MAGI2: variants seen among roughly 807,000 people sequenced by gnomAD.
The protein encoded by MAGI2 is membrane associated guanylate kinase, WW and PDZ domain containing 2.
MAGI2 carries 35 observed loss-of-function variants against 133.3 expected under a neutral mutation model. The ratio of observed to expected loss-of-function variants is 0.26; its 90% CI spans 0.20 to 0.35. The LOEUF (loss-of-function observed/expected upper bound fraction) is 0.35. MAGI2 is among the 10% of genes least tolerant of loss of function. The pLI, the probability that MAGI2 is intolerant of heterozygous loss-of-function variation, is 1.00. For synonymous variants in MAGI2, 729 were observed against 710.6 expected (o/e 1.03, Z -0.41); for missense variants, 1,636 against 1,863.4 (o/e 0.88, Z 2.25).
chr7:78,932,407 G>A (rs1345188456), intron 2 of MAGI2, among the ~76,000 whole-genome samples: 1 of 151,980 alleles, frequency 6.6e-6, no homozygotes, highest in Non-Finnish European at 1.5e-5. Context: ...ATGTCTTACA[G>A]CAGAGTATGG....
intron 2 of MAGI2, among the ~76,000 whole-genome samples, chr7:78,742,784 A>G (rs958011472): frequency 8.5e-5 from 13 of 152,290 alleles, no homozygotes; most frequent in African/African-American, 3.1e-4. Context: ...CAACTGATGC[A>G]GTGTGACTTC....
chr7:78,555,916 A>G (rs1294743496), intron 3 of MAGI2, among the ~76,000 whole-genome samples: 1 of 152,230 alleles, frequency 6.6e-6, no homozygotes, highest in Non-Finnish European at 1.5e-5. Context: ...GAAGTCTCAA[A>G]TACTAAAAGC....
At chr7:78,508,796 T>A (rs1795319908) in intron 4 of MAGI2, among the ~76,000 whole-genome samples, 1 of 152,208 alleles carries the variant, frequency 6.6e-6, no homozygotes, top group Non-Finnish European at 1.5e-5. Flanking sequence ...CGTGAAGCTA[T>A]ATTTGATTAG....
chr7:79,161,685 G>T (rs1824369029), intron 1 of MAGI2, among the ~76,000 whole-genome samples: 1 of 152,042 alleles, frequency 6.6e-6, no homozygotes, highest in African/African-American at 2.4e-5. Flanking sequence ...CAAACATCTT[G>T]TTTAAAAGCT....
intron 1 of MAGI2, among the ~76,000 whole-genome samples, chr7:79,181,966 C>T (rs10953788): frequency 0.69 from 105,074 of 151,820 alleles, 39,465 homozygotes; most frequent in Non-Finnish European, 0.84. Flanking sequence ...TCCTCATCTC[C>T]ATCTGAGACC....
chr7:78,934,591 ATGT>A, intron 2 of MAGI2, among the ~76,000 whole-genome samples: 1 of 152,248 alleles, frequency 6.6e-6, no homozygotes, highest in East Asian at 1.9e-4. Flanking sequence ...TTGCTTTCTG[ATGT>A]TGTTTCATGC....
chr7:78,921,380 T>A (rs1480351385), intron 2 of MAGI2, among the ~76,000 whole-genome samples: 1 of 152,140 alleles, frequency 6.6e-6, no homozygotes, highest in Non-Finnish European at 1.5e-5. Flanking sequence ...TGTAGATTCC[T>A]AAGTTCATCC....
At chr7:78,112,577 T>C (rs1354218627) in intron 20 of MAGI2, among the ~76,000 whole-genome samples, 2 of 152,246 alleles carry the variant, frequency 1.3e-5, no homozygotes, top group African/African-American at 4.8e-5. Context: ...TCCTGGTTCA[T>C]CAGGTATCTT....
chr7:78,706,246 C>T (rs1818631273), intron 2 of MAGI2, among the ~76,000 whole-genome samples: 1 of 151,972 alleles, frequency 6.6e-6, no homozygotes, highest in African/African-American at 2.4e-5. Context: ...CAGGTCTTTC[C>T]TGTGCTATTC....
intron 1 of MAGI2, among the ~76,000 whole-genome samples, chr7:79,099,708 T>C (rs575428895): frequency 1.3e-5 from 2 of 152,266 alleles, no homozygotes; most frequent in South Asian, 4.1e-4. Context: ...CTCCCACTTA[T>C]AAGTGAGAAT....
chr7:78,221,815 A>G (rs2150841037), intron 10 of MAGI2, among the ~76,000 whole-genome samples: 1 of 151,672 alleles, frequency 6.6e-6, no homozygotes, highest in African/African-American at 2.4e-5. Flanking sequence ...CAACTAGGCA[A>G]CACAAGGAGA....
intron 21 of MAGI2, among the ~76,000 whole-genome samples, chr7:78,044,552 G>A (rs905070968): frequency 6.6e-5 from 10 of 152,106 alleles, no homozygotes; most frequent in African/African-American, 2.4e-4. Context: ...TGGTTAGTAC[G>A]ACAGTACACT....
intron 1 of MAGI2, among the ~76,000 whole-genome samples, chr7:79,312,513 C>T (rs188168123): frequency 2.0e-5 from 3 of 152,210 alleles, no homozygotes; most frequent in East Asian, 1.9e-4. Context: ...TATGTAATAC[C>T]GCAACGTAGC....
At chr7:78,045,348 G>C (rs1269226899) in intron 21 of MAGI2, among the ~76,000 whole-genome samples, 2 of 151,848 alleles carry the variant, frequency 1.3e-5, no homozygotes, top group Non-Finnish European at 2.9e-5. Context: ...CACTCATTTC[G>C]TCAAACACTG....
chr7:78,579,838 C>A (rs1231104227), intron 3 of MAGI2, among the ~76,000 whole-genome samples: 3 of 151,852 alleles, frequency 2.0e-5, no homozygotes, highest in African/African-American at 7.3e-5. Context: ...AACTAAGAAC[C>A]GATGGGGGTT....
chr7:78,075,086 C>A (rs1815132012), intron 21 of MAGI2, among the ~76,000 whole-genome samples: 1 of 152,182 alleles, frequency 6.6e-6, no homozygotes, highest in South Asian at 2.1e-4. Flanking sequence ...TTGTGCTGAA[C>A]CTGCTTTGCT....
At chr7:79,404,491 G>A (rs766714888) in intron 1 of MAGI2, among the ~76,000 whole-genome samples, 7 of 152,058 alleles carry the variant, frequency 4.6e-5, no homozygotes, top group Non-Finnish European at 7.4e-5. Context: ...GTGACCCACC[G>A]TGTTCAGCCT....
At chr7:78,406,964 T>C (rs1339471290) in intron 6 of MAGI2, among the ~76,000 whole-genome samples, 1 of 152,040 alleles carries the variant, frequency 6.6e-6, no homozygotes, top group African/African-American at 2.4e-5. Flanking sequence ...TGCTGTAAAT[T>C]CATGGACATG....
intron 3 of MAGI2, among the ~76,000 whole-genome samples, chr7:78,556,221 A>C (rs956911771): frequency 2.0e-5 from 3 of 152,192 alleles, no homozygotes; most frequent in African/African-American, 7.2e-5. Context: ...TCTCAGTGAG[A>C]TTGAATGACT....
Sources: allele counts gnomAD v4.1 joint callset (sites outside exome capture counted in the v4.1 genomes callset), GRCh38; gene constraint gnomAD v4.1.1; transcripts MANE v1.5; gene names NCBI Gene and HGNC (gene_info 2026-07-23, HGNC 2026-07-21).